Variants in TCF7L2 observed in about 807,000 individuals in gnomAD.
TCF7L2 encodes the protein transcription factor 7 like 2.
A neutral mutation model predicts 77.9 loss-of-function variants in TCF7L2; 23 were observed. The observed-to-expected ratio is 0.30, with a 90% CI of 0.21 to 0.42. TCF7L2 has a LOEUF of 0.42. Ranked by LOEUF, TCF7L2 falls within the 10% of genes least tolerant of loss-of-function variation. The pLI is 1.00. For synonymous variants in TCF7L2, 413 were observed against 340.2 expected, an observed-to-expected ratio of 1.21 and a Z score of -2.36; for missense variants, 654 against 793.1, an observed-to-expected ratio of 0.82 and a Z score of 2.11.
At chr10:113,157,862 C>T in intron 11 of TCF7L2, 159 bp from the exon 12 acceptor site, 1 of 690,240 alleles carries the variant, frequency 1.4e-6, no homozygotes. Flanking sequence ...GGGCATTTGG[C>T]TTGAAGCGGG....
At chr10:113,015,917 C>G (rs1331396565) in intron 4 of TCF7L2, among the ~76,000 whole-genome samples, 1 of 152,192 alleles carries the variant, frequency 6.6e-6, no homozygotes, top group Admixed American at 6.5e-5. Context: ...GGTGACAGAG[C>G]AGGGGTTTCC....
In TCF7L2 at chr10:113,151,945, A is replaced by T; in HGVS notation, c.1161+61A>T. The T allele has an allele frequency of 1.9e-6, 3 of 1,540,358 alleles. No homozygotes were observed. Among genetic ancestry groups the T allele is most frequent in the Non-Finnish European group, 2.6e-6 (3 of 1,150,530 alleles). ...GGGTGGTGAGGGACCAGAGTGCAGC[A>T]GGTCAGGTGGCAGAATGTCTCTGTC... On this transcript the variant is annotated intron_variant, in intron 10 of 13. Transcript: ENST00000627217. This position sits in a 1 kb window ranked among gnomAD's most constrained non-coding sequence, Gnocchi z 5.2.
chr10:113,077,572 T>A (rs546735133), intron 5 of TCF7L2, among the ~76,000 whole-genome samples: 4 of 152,226 alleles, frequency 2.6e-5, no homozygotes, highest in Non-Finnish European at 5.9e-5. Context: ...TGTTCTGGCA[T>A]TAGATATATA....
chr10:113,165,034 C>G (rs1835585391), intron 13 of TCF7L2, among the ~76,000 whole-genome samples: 1 of 152,046 alleles, frequency 6.6e-6, no homozygotes, highest in Non-Finnish European at 1.5e-5. Context: ...GGAGCTCTGT[C>G]TTTCTCTTTT....
rs150384618 is a variant in TCF7L2 at position 113,161,879 on chromosome 10, T to A, written c.1391+1188T>A. Among the ~76,000 whole-genome samples the A allele has an allele frequency of 2.2e-3, 341 of 152,278 alleles. 1 individual carries two copies. Among genetic ancestry groups the A allele is most frequent in the Middle Eastern group, 0.017 (5 of 294 alleles). On this transcript the variant is annotated intron_variant, in intron 13 of 13. Transcript: ENST00000627217. ...TGAGAGGGAGCCACACAGACAGCCC[T>A]CTGCCTGTGGAATGAGGGATTTGGG...
chr10:113,122,765 T>G (rs1591997851), intron 5 of TCF7L2, among the ~76,000 whole-genome samples: 1 of 152,312 alleles, frequency 6.6e-6, no homozygotes, highest in African/African-American at 2.4e-5. Flanking sequence ...TGCTTTAGTT[T>G]TAGGTACAAA....
chr10:113,135,559 T>C (rs1485502384), intron 5 of TCF7L2, among the ~76,000 whole-genome samples: 1 of 152,240 alleles, frequency 6.6e-6, no homozygotes, highest in Non-Finnish European at 1.5e-5. Flanking sequence ...CTTCATTTAA[T>C]GGTTCGGCTT....
In TCF7L2 at chr10:113,151,665, A is replaced by G. The variant is rs1205734121; in HGVS notation, c.1002-60A>G. On this transcript the variant is annotated intron_variant, in intron 9 of 13. Transcript: ENST00000627217. This position sits in a 1 kb window ranked among gnomAD's most constrained non-coding sequence, Gnocchi z 5.2. ...GAGACAAGGAGATACGTTCCCTGCC[A>G]TGGAGGAAGTTGGACCACGACCTTG... The G allele has an allele frequency of 3.9e-6, 6 of 1,526,388 alleles. No homozygotes were observed. Among genetic ancestry groups the G allele is most frequent in the Non-Finnish European group, 5.2e-6 (6 of 1,145,184 alleles). The allele number at this position is 1,526,388 out of a possible 1,614,324, so 94.6% of individuals were successfully genotyped here.
At chr10:113,129,820 G>A (rs778940340) in intron 5 of TCF7L2, 33 of 1,289,282 alleles carry the variant, frequency 2.6e-5, no homozygotes, top group Non-Finnish European at 3.1e-5. Context: ...CGAAGGTACA[G>A]AGAAAGTTTT....
intron 4 of TCF7L2, among the ~76,000 whole-genome samples, chr10:112,977,427 T>C (rs1324942952): frequency 2.0e-5 from 3 of 152,282 alleles, no homozygotes; most frequent in South Asian, 2.1e-4. Context: ...ACAGAGAGCA[T>C]AGGGTGTGAG....
At chr10:112,963,194 AG>A (rs1198392750) in intron 3 of TCF7L2, among the ~76,000 whole-genome samples, 8 of 152,270 alleles carry the variant, frequency 5.3e-5, no homozygotes, top group South Asian at 2.1e-4. Context: ...TTATAGACTT[AG>A]CCCATGAACA....
chr10:113,097,671 AAAAC>A (rs1203830419), intron 5 of TCF7L2, among the ~76,000 whole-genome samples: 30 of 122,792 alleles, frequency 2.4e-4, no homozygotes, highest in African/African-American at 8.1e-4. Context: ...AAAAAAAAAA[AAAAC>A]AACCATGAGA....
At chr10:113,068,078 AAC>A (rs2057479971) in intron 5 of TCF7L2, among the ~76,000 whole-genome samples, 1 of 152,082 alleles carries the variant, frequency 6.6e-6, no homozygotes, top group South Asian at 2.1e-4. Context: ...TCCTTTTCAA[AAC>A]AGTGTTGTTT....
intron 4 of TCF7L2, among the ~76,000 whole-genome samples, chr10:113,020,560 A>G (rs1244520187): frequency 6.6e-6 from 1 of 152,154 alleles, no homozygotes; most frequent in Non-Finnish European, 1.5e-5. Context: ...CAAAGAGCCA[A>G]TTCCTGGTTG....
chr10:113,031,222 G>T (rs377050314), intron 4 of TCF7L2, among the ~76,000 whole-genome samples: 2 of 152,220 alleles, frequency 1.3e-5, no homozygotes, highest in East Asian at 1.9e-4. Context: ...ACCTAAAAAG[G>T]ATGTAGTGAC....
At chr10:112,962,526 T>C (rs750882446) in intron 3 of TCF7L2, among the ~76,000 whole-genome samples, 7 of 152,174 alleles carry the variant, frequency 4.6e-5, no homozygotes, top group East Asian at 1.9e-4. Context: ...ACTGGCAGTT[T>C]TTACACAAAG....
intron 5 of TCF7L2, among the ~76,000 whole-genome samples, chr10:113,057,533 G>T (rs1284450958): frequency 6.6e-6 from 1 of 152,186 alleles, no homozygotes; most frequent in East Asian, 1.9e-4. Flanking sequence ...TCTGTTGGGG[G>T]TCAGGGTATA....
At chr10:113,028,725 T>C (rs1433288366) in intron 4 of TCF7L2, among the ~76,000 whole-genome samples, 1 of 152,104 alleles carries the variant, frequency 6.6e-6, no homozygotes, top group Non-Finnish European at 1.5e-5. Context: ...GGGAAAGAAA[T>C]ACAGAATGGG....
Position 113,057,001 on chromosome 10 carries a change from A to T in TCF7L2, c.552+16875A>T, listed in dbSNP as rs1326840491. 4.6e-5 allele frequency among the ~76,000 whole-genome samples: 7 copies of T among 152,226 alleles called. No individual in the cohort carries two copies. The East Asian group carries it at 1.3e-3, about 29-fold the overall frequency. On this transcript the variant is annotated intron_variant, in intron 5 of 13. Coordinates refer to ENST00000627217, the MANE Select transcript of TCF7L2 (RefSeq NM_001146274.2). Reference sequence around the variant, plus strand: ...TACTGAAATGCTATCTGCTCTGTGTATGTCAGAAGACCACAAACCACTTAT... The same window carrying T: ...TACTGAAATGCTATCTGCTCTGTGTTTGTCAGAAGACCACAAACCACTTAT...
Sources: allele counts gnomAD v4.1 joint callset (sites outside exome capture counted in the v4.1 genomes callset), GRCh38; gene constraint gnomAD v4.1.1; non-coding constraint Gnocchi (gnomAD v3.1); transcripts MANE v1.5; gene names NCBI Gene and HGNC (gene_info 2026-07-23, HGNC 2026-07-21).